Variants in PSTK observed in about 807,000 individuals in gnomAD.
PSTK encodes the protein phosphoseryl-tRNA kinase.
A neutral mutation model predicts 38.6 loss-of-function variants in PSTK; 26 were observed. The ratio of observed to expected loss-of-function variants is 0.67; its 90% confidence interval spans 0.49 to 0.94. The LOEUF (loss-of-function observed/expected upper bound fraction) is 0.94, where lower values mean the gene tolerates loss of function less well. Ranked by LOEUF, PSTK falls within the 40% of genes least tolerant of loss-of-function variation. PSTK has a pLI of 0.00. For synonymous variants in PSTK, 181 were observed against 161.7 expected, an observed-to-expected ratio of 1.12 and a Z score of -0.91; for missense variants, 445 against 436.3, an observed-to-expected ratio of 1.02 and a Z score of -0.18.
intron 1 of PSTK, 154 bp from the exon 2 acceptor site, chr10:122,982,579 T>C: frequency 1.6e-6 from 1 of 634,048 alleles, no homozygotes; most frequent in Non-Finnish European, 2.8e-6. Context: ...AGGAATGGTA[T>C]ATATGGAGTC....
chr10:122,983,033 A>G lies in PSTK; in HGVS notation c.508+9A>G. On this transcript the variant is annotated intron_variant, in intron 2 of 5. Transcript: ENST00000406217. The stretch of plus-strand genomic sequence containing the variant: ...CCAGCTGGCTCGGAAATGTAATTAA[A>G]ACTTTTTTTTTCTTACACATGGAGA... 1 of 1,597,118 alleles carries G rather than the reference A, an allele frequency of 6.3e-7. No homozygotes were observed. Among genetic ancestry groups the G allele is most frequent in the Non-Finnish European group, 8.5e-7 (1 of 1,172,938 alleles).
In PSTK at chr10:122,980,760, A is replaced by C. The variant is rs1363917172; in HGVS notation, c.216+65A>C. ...CGGGGCGGGGCGGGGCGGGGCGGGG[A>C]CACTCGCGTCCACGCGGTCCTGGGT... On this transcript the variant is annotated intron_variant, in intron 1 of 5. Coordinates refer to ENST00000406217, the MANE Select transcript of PSTK (RefSeq NM_001363531.2). The surrounding 1 kb of genome is among the most constrained non-coding windows in gnomAD (Gnocchi z 4.3). The C allele has an allele frequency of 6.0e-5, 64 of 1,059,718 alleles. 1 individual carries two copies. In the East Asian group the frequency reaches 1.0e-3, roughly 17 times the overall value. The allele number at this position is 1,059,718 out of a possible 1,614,324, so 65.6% of individuals were successfully genotyped here.
At chr10:122,986,258 G>T in intron 3 of PSTK, 42 bp from the exon 4 acceptor site, 2 of 1,175,350 alleles carry the variant, frequency 1.7e-6, no homozygotes, top group Non-Finnish European at 1.2e-6. Context: ...GTCAGATGTT[G>T]GATATAAGGA....
chr10:122,987,339 C>A (rs1849048751), intron 5 of PSTK: 1 of 1,613,390 alleles, frequency 6.2e-7, no homozygotes, highest in African/African-American at 1.3e-5. Context: ...AAAAGGTAAT[C>A]AGGAAGCCTT....
intron 3 of PSTK, chr10:122,986,081 C>T (rs1004154846): frequency 1.1e-5 from 3 of 272,912 alleles, no homozygotes; most frequent in East Asian, 8.1e-5. Context: ...ATTAGCTGGG[C>T]GTGGTGGTGG....
chr10:122,982,444 T>C, intron 1 of PSTK: 1 of 386,086 alleles, frequency 2.6e-6, no homozygotes, highest in Non-Finnish European at 4.8e-6. Flanking sequence ...TAAGCACTGC[T>C]AGAGTGGAGA....
chr10:122,989,811 A>G lies in PSTK; in HGVS notation c.878-363A>G, dbSNP rs79724122. Reference sequence around the variant, plus strand: ...TTATGTTGGACAACTACTGTTCTAGATATTATTTATCAGGTTCAAAACTAA... The same window carrying G: ...TTATGTTGGACAACTACTGTTCTAGGTATTATTTATCAGGTTCAAAACTAA... On this transcript the variant is annotated intron_variant, in intron 5 of 5. Coordinates refer to ENST00000406217, the MANE Select transcript of PSTK (RefSeq NM_001363531.2). Among the ~76,000 whole-genome samples the G allele has an allele frequency of 6.6e-3, 1,001 of 152,344 alleles. 9 individuals carry two copies. The highest frequency in any genetic ancestry group is 0.023 in the African/African-American group (943 of 41,568).
Position 122,980,672 on chromosome 10 carries a change from G to A in PSTK, c.193G>A (p.Ala65Thr). The change falls in exon 1 of 6, where the codon GCC (alanine) becomes ACC (threonine). Residue 65 changes from alanine to threonine, a missense_variant. Transcript: ENST00000406217. This position sits in a 1 kb window ranked among gnomAD's most constrained non-coding sequence, Gnocchi z 4.3. ...TGACGTCATGCCCGACGCGTTTCTC[G>A]CCGGGGCAAGAGCGCGACCGGCGGT... ...YDDVMPDAFL[A>T]GARARPAPSQ... 3 of 1,591,288 alleles carry A rather than the reference G, an allele frequency of 1.9e-6. No individual in the cohort carries two copies. Among genetic ancestry groups the A allele is most frequent in the Non-Finnish European group, 2.6e-6 (3 of 1,171,208 alleles).
rs1419057988 is a variant in PSTK, at chr10:122,982,428, A to T, written c.217-305A>T. On this transcript the variant is annotated intron_variant, in intron 1 of 5. Transcript: ENST00000406217. ...GAGAGAAGTGTAAACAAATGCTTAA[A>T]CTGTGTAAGCACTGCTAGAGTGGAG... 9.9e-6 allele frequency: 3 copies of T among 301,654 alleles called. No homozygotes were observed. In the East Asian group the frequency reaches 1.9e-4, roughly 19 times the overall value. 18.7% of individuals were successfully genotyped at this position (301,654 alleles called of 1,614,324 possible).
In PSTK at chr10:122,982,999, T is replaced by C. The variant is rs1238581400; in HGVS notation, c.483T>C (p.Tyr161=). The C allele has an allele frequency of 2.5e-6, 4 of 1,613,078 alleles. No individual in the cohort carries two copies. Among genetic ancestry groups the C allele is most frequent in the African/African-American group, 2.7e-5 (2 of 74,864 alleles). ...DDNFYYQSMR[Y]EVYQLARKYS... Reference sequence around the variant, plus strand: ...ATTTTTATTATCAGAGTATGAGATATGAAGTCTACCAGCTGGCTCGGAAAT... The same window carrying C: ...ATTTTTATTATCAGAGTATGAGATACGAAGTCTACCAGCTGGCTCGGAAAT... Residue 161 remains tyrosine, a synonymous_variant, in exon 2 of 6, where the codon TAT becomes TAC. Transcript: ENST00000406217.
chr10:122,988,987 A>G (rs975043196), intron 5 of PSTK, among the ~76,000 whole-genome samples: 9 of 152,162 alleles, frequency 5.9e-5, no homozygotes, highest in African/African-American at 2.2e-4. Context: ...TCCATACAAC[A>G]AAATATTATT....
chr10:122,981,624 A>G (rs1441376567), intron 1 of PSTK, among the ~76,000 whole-genome samples: 1 of 152,262 alleles, frequency 6.6e-6, no homozygotes, highest in African/African-American at 2.4e-5. Flanking sequence ...TTCTAAGTAT[A>G]TATACAAAAA....
chr10:122,982,657 G>A, intron 1 of PSTK, 76 bp from the exon 2 acceptor site: 2 of 1,248,244 alleles, frequency 1.6e-6, no homozygotes, highest in South Asian at 1.3e-5. Context: ...TTCATATGGG[G>A]CAGGGTGGCA....
In PSTK at chr10:122,980,738, G is replaced by GGCCTGGGCC. The variant is rs1554863764; in HGVS notation, c.216+45_216+46insCTGGGCCGC. The GGCCTGGGCC allele has an allele frequency of 7.8e-7, 1 of 1,288,520 alleles. No individual in the cohort carries two copies. The highest frequency in any genetic ancestry group is 9.8e-7 in the Non-Finnish European group (1 of 1,018,968). The allele number at this position is 1,288,520 out of a possible 1,614,324, so 79.8% of individuals were successfully genotyped here. A position where few individuals can be genotyped will look rare whatever the true frequency, so the allele number is the denominator to read the frequency against. ...GGGCCTGGGCCGCGGGGCGGGGCGG[G>GGCCTGGGCC]GCGGGGCGGGGCGGGGCGGGGACAC... On this transcript the variant is annotated intron_variant, in intron 1 of 5. Transcript: ENST00000406217. This position sits in a 1 kb window ranked among gnomAD's most constrained non-coding sequence, Gnocchi z 4.3.
intron 5 of PSTK, among the ~76,000 whole-genome samples, chr10:122,988,376 TAGAG>T (rs762628161): frequency 1.1e-3 from 173 of 151,972 alleles, no homozygotes; most frequent in African/African-American, 2.3e-3. Flanking sequence ...AACATACAGA[TAGAG>T]AGAGAGCCAT....
At chr10:122,988,375 A>G (rs1008392951) in intron 5 of PSTK, among the ~76,000 whole-genome samples, 1 of 151,900 alleles carries the variant, frequency 6.6e-6, no homozygotes, top group African/African-American at 2.4e-5. Context: ...AAACATACAG[A>G]TAGAGAGAGA....
chr10:122,989,149 T>G (rs986368236), intron 5 of PSTK, among the ~76,000 whole-genome samples: 1 of 112,896 alleles, frequency 8.9e-6, no homozygotes, highest in East Asian at 2.8e-4. Context: ...AATCTTGAGA[T>G]AGACAGTGGA....
rs140991766 is a variant in PSTK at position 122,981,716 on chromosome 10, T to C, written c.217-1017T>C. 2.6e-4 allele frequency among the ~76,000 whole-genome samples: 40 copies of C among 152,332 alleles called. No homozygotes were observed. In the East Asian group the frequency reaches 7.5e-3, roughly 29 times the overall value. Reference sequence around the variant, plus strand: ...GGTTAATTGTGAAGTAAGTGCAGTGTCAGGATAGCGCAGGATTGACCTGGA... The same window carrying C: ...GGTTAATTGTGAAGTAAGTGCAGTGCCAGGATAGCGCAGGATTGACCTGGA... On this transcript the variant is annotated intron_variant, in intron 1 of 5. Transcript: ENST00000406217.
chr10:122,990,343 T>A lies in PSTK; in HGVS notation c.1047T>A (p.Ile349=). 2 of 1,468,252 alleles carry A rather than the reference T, an allele frequency of 1.4e-6. No individual in the cohort carries two copies. Among genetic ancestry groups the A allele is most frequent in the South Asian group, 2.7e-5 (2 of 73,316 alleles). The allele number at this position is 1,468,252 out of a possible 1,614,324, so 91.0% of individuals were successfully genotyped here. A position where few individuals can be genotyped will look rare whatever the true frequency, so the allele number is the denominator to read the frequency against. Residue 349 remains isoleucine, a synonymous_variant, in exon 6 of 6, where the codon ATT becomes ATA. Coordinates refer to ENST00000406217, the MANE Select transcript of PSTK (RefSeq NM_001363531.2). Reference sequence around the variant, plus strand: ...TTTTTCATTATGAGAAAGATAATATTGTACAGAAGTATTTTTCAAAGCAGC... The same window carrying A: ...TTTTTCATTATGAGAAAGATAATATAGTACAGAAGTATTTTTCAAAGCAGC... The part of the protein sequence containing the change: ...ISFFHYEKDN[I]VQKYFSKQH
Sources: allele counts gnomAD v4.1 joint callset (sites outside exome capture counted in the v4.1 genomes callset), GRCh38; gene constraint gnomAD v4.1.1; non-coding constraint Gnocchi (gnomAD v3.1); transcripts MANE v1.5; gene names NCBI Gene and HGNC (gene_info 2026-07-23, HGNC 2026-07-21).